Variants in CENPP observed in about 807,000 individuals in gnomAD.
CENPP encodes the protein centromere protein P.
A neutral mutation model predicts 35.6 loss-of-function variants in CENPP; 24 were observed. The ratio of observed to expected loss-of-function variants is 0.67; its 90% CI spans 0.49 to 0.95. CENPP has a LOEUF of 0.95. CENPP is among the 40% of genes least tolerant of loss of function. The probability of loss-of-function intolerance (pLI) is 0.00; values close to 1 mark genes in which losing one functional copy is unlikely to be tolerated. For missense variants in CENPP, 332 were observed against 345.3 expected, an observed-to-expected ratio of 0.96 and a Z score of 0.31; for synonymous variants, 120 against 125.5, an observed-to-expected ratio of 0.96 and a Z score of 0.29.
chr9:92,511,997 G>C (rs995592485), intron 5 of CENPP: 2 of 1,579,848 alleles, frequency 1.3e-6, no homozygotes, highest in African/African-American at 2.7e-5. Flanking sequence ...AGACAAATCA[G>C]AGCATGTATT....
chr9:92,502,798 A>T, intron 5 of CENPP: 3 of 606,942 alleles, frequency 4.9e-6, no homozygotes, highest in South Asian at 3.0e-5. Context: ...CATATTTTTA[A>T]GTTGTCTTTT....
At chr9:92,492,431 CTG>C (rs1233049079) in intron 5 of CENPP, among the ~76,000 whole-genome samples, 1 of 152,194 alleles carries the variant, frequency 6.6e-6, no homozygotes, top group Non-Finnish European at 1.5e-5. Context: ...CTAGAGGACA[CTG>C]TGCATATTTC....
chr9:92,619,576 G>T lies in CENPP; in HGVS notation c.*6427G>T. ...GCGGTACTGCTGCACCTGCAGGGGC[G>T]GGAAAGATCAGCTCCAGGTCACACA... On this transcript the variant is annotated 3_prime_UTR_variant, in exon 8 of 8. Coordinates refer to ENST00000375587, the MANE Select transcript of CENPP (RefSeq NM_001012267.3). 6.4e-7 allele frequency: 1 copy of T among 1,569,780 alleles called. No homozygotes were observed. Among genetic ancestry groups the T allele is most frequent in the East Asian group, 2.3e-5 (1 of 43,168 alleles).
At position 92,619,552 on chromosome 9, in the gene CENPP, C is replaced by T; in HGVS notation, c.*6403C>T. On this transcript the variant is annotated 3_prime_UTR_variant, in exon 8 of 8. Transcript: ENST00000375587. The stretch of plus-strand genomic sequence containing the variant: ...GCAGTCCTTGGCAGTCATGGCGACG[C>T]GGTACTGCTGCACCTGCAGGGGCGG... 2.5e-6 allele frequency: 4 copies of T among 1,585,548 alleles called. No individual in the cohort carries two copies. Among genetic ancestry groups the T allele is most frequent in the Non-Finnish European group, 2.6e-6 (3 of 1,166,008 alleles).
chr9:92,599,979 G>A (rs1850871006), intron 5 of CENPP, among the ~76,000 whole-genome samples: 4 of 152,278 alleles, frequency 2.6e-5, no homozygotes, highest in South Asian at 2.1e-4. Context: ...TTCCTGGTCC[G>A]TGTCTTCTGC....
At chr9:92,497,741 G>A (rs1217612333) in intron 5 of CENPP, among the ~76,000 whole-genome samples, 2 of 151,848 alleles carry the variant, frequency 1.3e-5, no homozygotes, top group African/African-American at 4.8e-5. Flanking sequence ...GATCCCCAGT[G>A]TTGGAGGTGG....
rs144304270 is a variant in CENPP, at chr9:92,549,603, C to A, written c.565-61711C>A. ...CAAAGGTTACAGTGAGCCAAGATCG[C>A]GCCACTGCACTCCAGCCTGAGTGGG... On this transcript the variant is annotated intron_variant, in intron 5 of 7. Coordinates refer to ENST00000375587, the MANE Select transcript of CENPP (RefSeq NM_001012267.3). Among the ~76,000 whole-genome samples, 1,489 of 150,350 alleles carry A rather than the reference C, an allele frequency of 9.9e-3. 17 individuals are homozygous for A. Among genetic ancestry groups the A allele is most frequent in the Non-Finnish European group, 0.014 (967 of 67,730 alleles).
intron 5 of CENPP, among the ~76,000 whole-genome samples, chr9:92,460,263 T>C (rs1384996768): frequency 1.3e-5 from 2 of 152,040 alleles, no homozygotes; most frequent in Non-Finnish European, 2.9e-5. Flanking sequence ...CTCGAACTCC[T>C]GACCTCGGGA....
intron 5 of CENPP, among the ~76,000 whole-genome samples, chr9:92,454,433 A>G (rs1844812487): frequency 1.3e-5 from 2 of 152,174 alleles, no homozygotes; most frequent in South Asian, 4.1e-4. Context: ...TTAATGATGA[A>G]TTTCAAGATG....
chr9:92,360,919 G>A (rs774591791), intron 4 of CENPP, among the ~76,000 whole-genome samples: 3 of 151,764 alleles, frequency 2.0e-5, no homozygotes, highest in Non-Finnish European at 4.4e-5. Context: ...GTGTTAGCCA[G>A]GATAGTCTCG....
intron 5 of CENPP, among the ~76,000 whole-genome samples, chr9:92,414,074 C>G (rs1444009538): frequency 6.6e-6 from 1 of 152,116 alleles, no homozygotes; most frequent in African/African-American, 2.4e-5. Context: ...GAGTTCATCA[C>G]AGCAGTTAGA....
At chr9:92,537,145 G>C (rs374116488) in intron 5 of CENPP, among the ~76,000 whole-genome samples, 1 of 151,630 alleles carries the variant, frequency 6.6e-6, no homozygotes, top group East Asian at 1.9e-4. Flanking sequence ...CAAAGTGCTG[G>C]GATTACAGGC....
At chr9:92,586,138 C>T (rs151188016) in intron 5 of CENPP, among the ~76,000 whole-genome samples, 1,736 of 152,286 alleles carry the variant, frequency 0.011, 26 homozygotes, top group African/African-American at 0.038. Context: ...CTCCGCCTCC[C>T]GGTTTCAGAC....
intron 5 of CENPP, among the ~76,000 whole-genome samples, chr9:92,605,101 C>T (rs538723359): frequency 6.6e-6 from 1 of 152,230 alleles, no homozygotes; most frequent in Non-Finnish European, 1.5e-5. Context: ...GTGCCTCAGC[C>T]CCTCAAGTAG....
chr9:92,429,992 T>C (rs2130985396), intron 5 of CENPP, among the ~76,000 whole-genome samples: 1 of 152,344 alleles, frequency 6.6e-6, no homozygotes, highest in South Asian at 2.1e-4. Flanking sequence ...TATAAGGGAC[T>C]GCATATGTGT....
intron 5 of CENPP, chr9:92,404,548 C>T (rs1234477232): frequency 1.5e-6 from 2 of 1,298,934 alleles, no homozygotes; most frequent in Non-Finnish European, 2.0e-6. Flanking sequence ...ATGTTCATGT[C>T]TGTGCATTAG....
intron 5 of CENPP, among the ~76,000 whole-genome samples, chr9:92,574,399 A>T (rs572355597): frequency 6.6e-6 from 1 of 152,374 alleles, no homozygotes; most frequent in South Asian, 2.1e-4. Flanking sequence ...GGTTAGAAAA[A>T]CAATAACAAA....
rs113971667 is a variant in CENPP at position 92,356,015 on chromosome 9, CAG to C, written c.467+10230_467+10231del. ...GAGTTTCTAAATTTTCATATCATAT[CAG>C]AATATATAAACACAGGGGTTAGTCA... is the stretch of plus-strand genomic sequence containing the variant. On this transcript the variant is annotated intron_variant, in intron 4 of 7. Coordinates refer to ENST00000375587, the MANE Select transcript of CENPP (RefSeq NM_001012267.3). Among the ~76,000 whole-genome samples, 6 of 152,206 alleles carry C rather than the reference CAG, an allele frequency of 3.9e-5. 1 individual carries two copies. Among genetic ancestry groups the C allele is most frequent in the African/African-American group, 1.4e-4 (6 of 41,522 alleles).
intron 1 of CENPP, among the ~76,000 whole-genome samples, chr9:92,329,256 C>T (rs1173064674): frequency 6.8e-6 from 1 of 147,510 alleles, no homozygotes; most frequent in African/African-American, 2.5e-5. Context: ...GCAACCTCAG[C>T]TCACTGCAAC....
Sources: allele counts gnomAD v4.1 joint callset (sites outside exome capture counted in the v4.1 genomes callset), GRCh38; gene constraint gnomAD v4.1.1; transcripts MANE v1.5; gene names NCBI Gene and HGNC (gene_info 2026-07-23, HGNC 2026-07-21).